PEDS1: variants seen among roughly 807,000 people sequenced by gnomAD.
The protein encoded by PEDS1 is CarF homolog.
PEDS1 carries 14 observed loss-of-function variants against 35.2 expected under a neutral mutation model. The observed-to-expected ratio is 0.40, with a 90% confidence interval of 0.26 to 0.62. The LOEUF (loss-of-function observed/expected upper bound fraction) is 0.62, where lower values mean the gene tolerates loss of function less well. Ranked by LOEUF, PEDS1 falls within the 20% of genes least tolerant of loss-of-function variation. The probability of loss-of-function intolerance (pLI) is 0.44; values close to 1 mark genes in which losing one functional copy is unlikely to be tolerated. For missense variants in PEDS1, 260 were observed against 367.8 expected (o/e 0.71, Z 2.40); for synonymous variants, 152 against 152.0 (o/e 1.00, Z 0.00).
In PEDS1 at chr20:50,141,362, A is replaced by T. The variant is rs185790266; in HGVS notation, c.241+2140T>A. ...TTGGCACATAGTAGGTGCTCACAAA[A>T]CATCCGTGATTAAACTGACCAGCGA... On this transcript the variant is annotated intron_variant, in intron 2 of 5. Coordinates refer to ENST00000371652, the MANE Select transcript of PEDS1 (RefSeq NM_199129.4). 9.7e-4 allele frequency among the ~76,000 whole-genome samples: 148 copies of T among 152,344 alleles called. 1 individual carries two copies. Among genetic ancestry groups the T allele is most frequent in the African/African-American group, 3.4e-3 (141 of 41,590 alleles).
chr20:50,147,902 A>T (rs2081362391), intron 1 of PEDS1, among the ~76,000 whole-genome samples: 1 of 151,660 alleles, frequency 6.6e-6, no homozygotes, highest in Non-Finnish European at 1.5e-5. Context: ...CTAAGAATAC[A>T]AAAATTAGCC....
chr20:50,149,708 G>A (rs1174190890), intron 1 of PEDS1, among the ~76,000 whole-genome samples: 1 of 152,132 alleles, frequency 6.6e-6, no homozygotes, highest in African/African-American at 2.4e-5. Context: ...CCTACACACA[G>A]AGGCCCATTC....
At chr20:50,141,081 C>T (rs535659472) in intron 2 of PEDS1, among the ~76,000 whole-genome samples, 5 of 152,316 alleles carry the variant, frequency 3.3e-5, no homozygotes, top group East Asian at 1.9e-4. Context: ...GCACAGCACA[C>T]ACCTGGGCTC....
chr20:50,149,767 G>A (rs1354483953), intron 1 of PEDS1, among the ~76,000 whole-genome samples: 1 of 151,950 alleles, frequency 6.6e-6, no homozygotes, highest in Non-Finnish European at 1.5e-5. Flanking sequence ...CGGAATACTC[G>A]CCCCCACCTC....
At chr20:50,138,908 C>G (rs779234553) in intron 2 of PEDS1, among the ~76,000 whole-genome samples, 2 of 152,156 alleles carry the variant, frequency 1.3e-5, no homozygotes, top group Non-Finnish European at 2.9e-5. Flanking sequence ...TTGAGGTAGT[C>G]GCTGGGCCCG....
rs1569041526 is a variant in PEDS1, at chr20:50,128,366, C to T, written c.479-179G>A. ...GGTGCTGCCCTGGGCTTCAGGCTTT[C>T]CTCCTGCTCAGGAAGCAGGCGTAAT... On this transcript the variant is annotated intron_variant, in intron 4 of 5. Transcript: ENST00000371652. This position sits in a 1 kb window ranked among gnomAD's most constrained non-coding sequence, Gnocchi z 5.2. Among the ~76,000 whole-genome samples, 1 of 152,184 alleles carries T rather than the reference C, an allele frequency of 6.6e-6. No individual in the cohort carries two copies. Among genetic ancestry groups the T allele is most frequent in the East Asian group, 1.9e-4 (1 of 5,176 alleles).
Position 50,127,826 on chromosome 20 carries a change from T to A in PEDS1, c.691+149A>T, listed in dbSNP as rs113804565. On this transcript the variant is annotated intron_variant, in intron 5 of 5. Coordinates refer to ENST00000371652, the MANE Select transcript of PEDS1 (RefSeq NM_199129.4). ...ACCTAGAATAGTGCCTGGCACACAG[T>A]AGGTGCTCAATAAATGCATGACCTG... The A allele has an allele frequency of 1.4e-3, 1,560 of 1,119,616 alleles. 19 individuals carry two copies. In the African/African-American group the frequency reaches 0.019, roughly 14 times the overall value. The allele number at this position is 1,119,616 out of a possible 1,614,324, so 69.4% of individuals were successfully genotyped here.
intron 1 of PEDS1, among the ~76,000 whole-genome samples, chr20:50,147,277 G>A (rs1199966391): frequency 6.6e-6 from 1 of 152,164 alleles, no homozygotes; most frequent in Non-Finnish European, 1.5e-5. Flanking sequence ...CTAGTTTCCT[G>A]CTTCCCTCAA....
At chr20:50,135,219 T>C (rs749339377) in intron 2 of PEDS1, among the ~76,000 whole-genome samples, 14 of 151,930 alleles carry the variant, frequency 9.2e-5, no homozygotes, top group Middle Eastern at 3.4e-3. Flanking sequence ...ACAGTAAATA[T>C]TTTGGGCTTT....
chr20:50,121,838 G>GA lies in PEDS1; in HGVS notation c.*3219dup, dbSNP rs1392685863. 2.0e-5 allele frequency: 3 copies of GA among 152,202 alleles called. No individual in the cohort carries two copies. Among genetic ancestry groups the GA allele is most frequent in the Non-Finnish European group, 4.4e-5 (3 of 68,098 alleles). The allele number at this position is 152,202 out of a possible 1,614,324, so 9.4% of individuals were successfully genotyped here. A position where few individuals can be genotyped will look rare whatever the true frequency, so the allele number is the denominator to read the frequency against. ...AACTGACACAGATTGGTGGGGCCTG[G>GA]AAACCAACACCACAGTGGTGAGGCT... On this transcript the variant is annotated 3_prime_UTR_variant, in exon 6 of 6. Transcript: ENST00000371652.
chr20:50,146,855 A>G (rs2081350220), intron 1 of PEDS1, among the ~76,000 whole-genome samples: 1 of 152,144 alleles, frequency 6.6e-6, no homozygotes, highest in Non-Finnish European at 1.5e-5. Flanking sequence ...CTCTTGAGCC[A>G]CGCAGCACCC....
At chr20:50,130,088 T>C (rs2081158916) in intron 3 of PEDS1, among the ~76,000 whole-genome samples, 1 of 152,116 alleles carries the variant, frequency 6.6e-6, no homozygotes, top group Non-Finnish European at 1.5e-5. Context: ...TAGTCCAGGC[T>C]CTTCTGACAA....
At chr20:50,149,485 C>T (rs1371718428) in intron 1 of PEDS1, among the ~76,000 whole-genome samples, 2 of 152,292 alleles carry the variant, frequency 1.3e-5, no homozygotes, top group East Asian at 1.9e-4. Flanking sequence ...CTGGCCAGGC[C>T]CTTCACAAAC....
chr20:50,144,923 C>T (rs925345072), intron 1 of PEDS1, among the ~76,000 whole-genome samples: 1 of 152,068 alleles, frequency 6.6e-6, no homozygotes, highest in African/African-American at 2.4e-5. Flanking sequence ...TAAAAGGGGG[C>T]CATGCATGGT....
intron 3 of PEDS1, among the ~76,000 whole-genome samples, chr20:50,130,251 T>A (rs2081162826): frequency 6.6e-6 from 1 of 152,172 alleles, no homozygotes; most frequent in African/African-American, 2.4e-5. Context: ...TGGCGGAAAC[T>A]ACAGGGAAGG....
At position 50,120,221 on chromosome 20, in the gene PEDS1, T is replaced by C; in HGVS notation, c.*4837A>G. On this transcript the variant is annotated 3_prime_UTR_variant, in exon 6 of 6. Coordinates refer to ENST00000371652, the MANE Select transcript of PEDS1 (RefSeq NM_199129.4). ...CTGAGGTTACAGTGAGCTGTGATTG[T>C]GCCACTGCACTCCAGCCTGGACAAC... is the stretch of plus-strand genomic sequence containing the variant. 1 of 178,438 alleles carries C rather than the reference T, an allele frequency of 5.6e-6. No homozygotes were observed. The allele number at this position is 178,438 out of a possible 1,614,324, so 11.1% of individuals were successfully genotyped here.
At chr20:50,140,275 G>A (rs1029881201) in intron 2 of PEDS1, among the ~76,000 whole-genome samples, 1 of 152,298 alleles carries the variant, frequency 6.6e-6, no homozygotes, top group South Asian at 2.1e-4. Flanking sequence ...CCATCTTCAC[G>A]TGGCTGGACC....
rs529173328 is a variant in PEDS1, at chr20:50,128,005, G to C, written c.661C>G (p.Pro221Ala). 1 of 1,614,168 alleles carries C rather than the reference G, an allele frequency of 6.2e-7. No individual in the cohort carries two copies. The highest frequency in any genetic ancestry group is 1.1e-5 in the South Asian group (1 of 91,080). Residue 221 changes from proline to alanine, a missense_variant, in exon 5 of 6, where the codon CCC becomes GCC. Pro to Ala is a conservative substitution (Grantham distance 27, BLOSUM62 -1). Around this residue, in one of 4 missense-constraint regions of PEDS1, gnomAD observed 83 missense variants for 142.8 expected, o/e 0.58. Coordinates refer to ENST00000371652, the MANE Select transcript of PEDS1 (RefSeq NM_199129.4). The surrounding 1 kb of genome is among the most constrained non-coding windows in gnomAD (Gnocchi z 5.2). ...GTGATGCAGAAGTAGGTCTCGTGGGGTGAGACGTGGTGGATGCGATGGTGT... is the reference window on the plus strand; with the variant it reads ...GTGATGCAGAAGTAGGTCTCGTGGGCTGAGACGTGGTGGATGCGATGGTGT... ...RKHHRIHHVSPHETYFCITTG... is the reference protein window; with the variant it reads ...RKHHRIHHVSAHETYFCITTG...
At chr20:50,130,060 G>A (rs1434536419) in intron 3 of PEDS1, among the ~76,000 whole-genome samples, 1 of 152,166 alleles carries the variant, frequency 6.6e-6, no homozygotes, top group Non-Finnish European at 1.5e-5. Context: ...ACCTGCTGGG[G>A]TAACAGCCTC....
Sources: gnomAD v4.1 joint callset for allele counts (sites outside exome capture counted in the v4.1 genomes callset) on GRCh38, gnomAD v4.1.1 for gene constraint, gnomAD v4.1.1 regional missense constraint, Gnocchi (gnomAD v3.1) non-coding constraint, MANE v1.5 for transcripts, NCBI Gene and HGNC (gene_info 2026-07-23, HGNC 2026-07-21) for gene names.